The following WASHC5 variants were observed in gnomAD, a reference collection of about 807,000 sequenced individuals.
The protein encoded by WASHC5 is WASH complex subunit strumpellin.
A neutral mutation model predicts 150.4 loss-of-function variants in WASHC5; 101 were observed. The ratio of observed to expected loss-of-function variants is 0.67; its 90% confidence interval spans 0.57 to 0.79. The LOEUF is 0.79. WASHC5 is among the 30% of genes least tolerant of loss of function. The pLI is 0.00. For missense variants in WASHC5, 1,195 were observed against 1,396.3 expected, an observed-to-expected ratio of 0.86 and a Z score of 2.30; for synonymous variants, 467 against 491.2, an observed-to-expected ratio of 0.95 and a Z score of 0.65.
intron 9 of WASHC5, among the ~76,000 whole-genome samples, chr8:125,068,878 C>T (rs1057345292): frequency 6.6e-6 from 1 of 152,194 alleles, no homozygotes; most frequent in African/African-American, 2.4e-5. Context: ...TAAACCATTT[C>T]AAATGAAATA....
intron 10 of WASHC5, among the ~76,000 whole-genome samples, chr8:125,066,339 G>A (rs1233584556): frequency 6.6e-6 from 1 of 152,126 alleles, no homozygotes; most frequent in Non-Finnish European, 1.5e-5. Flanking sequence ...AGAAGATAAA[G>A]AAACATCTAA....
chr8:125,054,611 G>A (rs1816348068), intron 17 of WASHC5, among the ~76,000 whole-genome samples: 1 of 151,736 alleles, frequency 6.6e-6, no homozygotes, highest in Non-Finnish European at 1.5e-5. Context: ...AGGCGGGCGG[G>A]TCACGAGGTC....
chr8:125,039,093 T>G (rs1815806448), intron 24 of WASHC5, 134 bp from the exon 25 acceptor site: 1 of 977,642 alleles, frequency 1.0e-6, no homozygotes. Context: ...ATCTCGCTAA[T>G]TCTCAACCAT....
intron 28 of WASHC5, 113 bp from the exon 29 acceptor site, chr8:125,024,786 C>T (rs1586325641): frequency 1.3e-6 from 1 of 743,620 alleles, no homozygotes; most frequent in Non-Finnish European, 2.4e-6. Flanking sequence ...GAAGAGGAGA[C>T]TCCCATGGGC....
At chr8:125,026,399 T>C (rs1412879524) in intron 28 of WASHC5, among the ~76,000 whole-genome samples, 1 of 152,220 alleles carries the variant, frequency 6.6e-6, no homozygotes, top group East Asian at 1.9e-4. Flanking sequence ...ACTGAGACAC[T>C]GACACAGAAT....
At position 125,067,993 on chromosome 8, in the gene WASHC5, A is replaced by G. The variant is rs3763594; in HGVS notation, c.1151-274T>C. On this transcript the variant is annotated intron_variant, in intron 9 of 28. Transcript: ENST00000318410. ...AACAGTGTTTCCAAATTTTGTGAGC[A>G]TTCTGCGGTTTGTTTATAGCAACTG... 0.029 allele frequency among the ~76,000 whole-genome samples: 4,395 copies of G among 152,296 alleles called. 126 individuals are homozygous for G. Among genetic ancestry groups the G allele is most frequent in the South Asian group, 0.16 (759 of 4,816 alleles).
At chr8:125,028,740 G>A in intron 27 of WASHC5, 33 bp from the exon 28 acceptor site, 1 of 1,422,484 alleles carries the variant, frequency 7.0e-7, no homozygotes, top group Non-Finnish European at 9.9e-7. Context: ...TCAATTAACT[G>A]CTTTGCACAT....
At chr8:125,079,797 T>C (rs1817195021) in intron 5 of WASHC5, among the ~76,000 whole-genome samples, 1 of 152,186 alleles carries the variant, frequency 6.6e-6, no homozygotes, top group Non-Finnish European at 1.5e-5. Context: ...CTCCAAATGA[T>C]TTCAGCTTAC....
At chr8:125,055,419 T>G (rs1197341527) in intron 17 of WASHC5, among the ~76,000 whole-genome samples, 172 bp downstream of exon 17, 1 of 152,106 alleles carries the variant, frequency 6.6e-6, no homozygotes, top group Admixed American at 6.5e-5. Flanking sequence ...AGAGAGAGAC[T>G]CTGTCTCAAA....
At position 125,087,307 on chromosome 8, in the gene WASHC5, C is replaced by T. The variant is rs181915441; in HGVS notation, c.-124-3285G>A. On this transcript the variant is annotated intron_variant, in intron 1 of 28. Coordinates refer to ENST00000318410, the MANE Select transcript of WASHC5 (RefSeq NM_014846.4). The stretch of plus-strand genomic sequence containing the variant: ...CCCCATCTTTTCAGTTCTCTGCTTC[C>T]GCTGATTATTGCAATTTCCTTACAG... 3.9e-5 allele frequency among the ~76,000 whole-genome samples: 6 copies of T among 152,290 alleles called. No homozygotes were observed. In the East Asian group the frequency reaches 9.6e-4, roughly 24 times the overall value.
intron 2 of WASHC5, 89 bp from the exon 3 acceptor site, chr8:125,083,347 G>A (rs1817327311): frequency 1.6e-6 from 2 of 1,232,174 alleles, no homozygotes; most frequent in Non-Finnish European, 2.3e-6. Context: ...TTGTTCTTAT[G>A]TTATTAGACA....
chr8:125,057,479 G>A (rs1816443502), intron 15 of WASHC5, 77 bp downstream of exon 15: 4 of 948,148 alleles, frequency 4.2e-6, no homozygotes, highest in Non-Finnish European at 6.7e-6. Context: ...ATACTTTTGG[G>A]GGGCCTAAGC....
intron 10 of WASHC5, among the ~76,000 whole-genome samples, chr8:125,066,955 G>T (rs982058204): frequency 3.3e-5 from 5 of 152,150 alleles, no homozygotes; most frequent in Non-Finnish European, 5.9e-5. Context: ...CTAGGTACCT[G>T]GAGAACTACA....
At chr8:125,088,222 T>C (rs1817475811) in intron 1 of WASHC5, among the ~76,000 whole-genome samples, 1 of 147,486 alleles carries the variant, frequency 6.8e-6, no homozygotes, top group Non-Finnish European at 1.5e-5. Flanking sequence ...GGCACATGGA[T>C]CACCTGAGGT....
intron 1 of WASHC5, among the ~76,000 whole-genome samples, chr8:125,088,103 T>C (rs1233421465): frequency 6.6e-6 from 1 of 152,024 alleles, no homozygotes; most frequent in African/African-American, 2.4e-5. Flanking sequence ...ATGTTCTATG[T>C]AGGTTCCTTC....
chr8:125,028,643 G>T lies in WASHC5; in HGVS notation c.3400C>A (p.Arg1134=). The T allele has an allele frequency of 1.2e-6, 2 of 1,612,908 alleles. No individual in the cohort carries two copies. Among genetic ancestry groups the T allele is most frequent in the South Asian group, 1.1e-5 (1 of 91,026 alleles). The part of the protein sequence containing the change: ...GALLFLEDYV[R]YTKLPRRVAE... ...ACCCTCCTGGGTAGCTTTGTGTACC[G>T]AACATAATCCTCCAGGAACAGAAGG... The change falls in exon 28 of 29, where the codon CGG becomes AGG. Residue 1134 remains arginine, a synonymous_variant. Transcript: ENST00000318410.
At chr8:125,083,688 T>C (rs773009911) in intron 2 of WASHC5, 25 bp downstream of exon 2, 3 of 1,562,078 alleles carry the variant, frequency 1.9e-6, no homozygotes. Context: ...AAGACAACAA[T>C]AAAAATGCTA....
rs1030337804 is a variant in WASHC5, at chr8:125,078,829, T to A, written c.620A>T (p.Tyr207Phe). The change falls in exon 6 of 29, where the codon TAT becomes TTT. Residue 207 changes from tyrosine to phenylalanine, a missense_variant. Tyr to Phe is a conservative substitution (Grantham distance 22). Transcript: ENST00000318410. ...CACTCTCTGGAAATAGCTCTCGGGATAGTTGGATGGTCTTTTGGCACCTGG... is the reference window on the plus strand; with the variant it reads ...CACTCTCTGGAAATAGCTCTCGGGAAAGTTGGATGGTCTTTTGGCACCTGG... ...SQPGAKRPSNYPESYFQRVPI... is the reference protein window; with the variant it reads ...SQPGAKRPSNFPESYFQRVPI... The A allele has an allele frequency of 1.2e-6, 2 of 1,613,952 alleles. No homozygotes were observed. Among genetic ancestry groups the A allele is most frequent in the Non-Finnish European group, 1.7e-6 (2 of 1,179,910 alleles).
chr8:125,046,253 A>G (rs1816064752), intron 20 of WASHC5, among the ~76,000 whole-genome samples: 1 of 152,174 alleles, frequency 6.6e-6, no homozygotes, highest in Admixed American at 6.5e-5. Context: ...CTCTTCCCCA[A>G]GCTGATCTTA....
Sources: allele counts gnomAD v4.1 joint callset (sites outside exome capture counted in the v4.1 genomes callset), GRCh38; gene constraint gnomAD v4.1.1; transcripts MANE v1.5; gene names NCBI Gene and HGNC (gene_info 2026-07-23, HGNC 2026-07-21).